The following GDPD5 variants were observed in gnomAD, a reference collection of about 807,000 sequenced individuals.
GDPD5 encodes the protein glycerophosphodiester phosphodiesterase domain containing 5.
In GDPD5, 48 loss-of-function variants were observed where a neutral mutation model predicts 75.1. The ratio of observed to expected loss-of-function variants is 0.64; its 90% confidence interval spans 0.51 to 0.81. The LOEUF is 0.81. Ranked by LOEUF, GDPD5 falls within the 40% of genes least tolerant of loss-of-function variation. The pLI, the probability that GDPD5 is intolerant of heterozygous loss-of-function variation, is 0.00. For synonymous variants in GDPD5, 336 were observed against 339.0 expected (o/e 0.99, Z 0.10); for missense variants, 706 against 822.6 (o/e 0.86, Z 1.73).
rs1386105016 is a variant in GDPD5 at position 75,525,293 on chromosome 11, AG to A, written c.-229del. On this transcript the variant is annotated 5_prime_UTR_variant, in exon 1 of 17. Coordinates refer to ENST00000336898, the MANE Select transcript of GDPD5 (RefSeq NM_030792.8). ...GGGCAGGCGCTGAACCCCTCACCTGAGGCGGGACGAAGGTGACAGCCTGGGC... is the reference window on the plus strand; with the variant it reads ...GGGCAGGCGCTGAACCCCTCACCTGAGCGGGACGAAGGTGACAGCCTGGGC... 1 of 152,244 alleles carries A rather than the reference AG, an allele frequency of 6.6e-6. No homozygotes were observed. The highest frequency in any genetic ancestry group is 2.4e-5 in the African/African-American group (1 of 41,422). The allele number at this position is 152,244 out of a possible 1,614,324, so 9.4% of individuals were successfully genotyped here. A position where few individuals can be genotyped will look rare whatever the true frequency, so the allele number is the denominator to read the frequency against.
intron 3 of GDPD5, among the ~76,000 whole-genome samples, chr11:75,473,745 T>C (rs925290617): frequency 6.6e-6 from 1 of 152,210 alleles, no homozygotes; most frequent in Non-Finnish European, 1.5e-5. Flanking sequence ...TTTCAGTTCC[T>C]GAACACAAGA....
chr11:75,484,789 C>T (rs947575138), intron 2 of GDPD5, among the ~76,000 whole-genome samples: 1 of 152,184 alleles, frequency 6.6e-6, no homozygotes, highest in African/African-American at 2.4e-5. Flanking sequence ...GTACTACCAG[C>T]CACAATAGTT....
At chr11:75,480,926 G>A (rs964242256) in intron 2 of GDPD5, among the ~76,000 whole-genome samples, 4 of 152,114 alleles carry the variant, frequency 2.6e-5, no homozygotes, top group African/African-American at 7.2e-5. Flanking sequence ...TATTGTCTAC[G>A]GCTGTTTTAA....
chr11:75,459,062 C>T lies in GDPD5; in HGVS notation c.222-1276G>A, dbSNP rs551669177. ...GTGCTGGGATTATAGGCGTGAGCCA[C>T]CACACCTGGCCAACTGTCTTCTCAA... On this transcript the variant is annotated intron_variant, in intron 4 of 16. Transcript: ENST00000336898. Among the ~76,000 whole-genome samples the T allele has an allele frequency of 2.6e-5, 4 of 152,292 alleles. No homozygotes were observed. In the South Asian group the frequency reaches 8.3e-4, roughly 32 times the overall value.
chr11:75,520,458 A>G (rs1473784676), intron 1 of GDPD5, among the ~76,000 whole-genome samples: 1 of 152,152 alleles, frequency 6.6e-6, no homozygotes, highest in African/African-American at 2.4e-5. Flanking sequence ...TGTGCCAGGC[A>G]CACTGCTAGG....
At chr11:75,440,451 T>C (rs1695534429) in intron 14 of GDPD5, among the ~76,000 whole-genome samples, 1 of 152,230 alleles carries the variant, frequency 6.6e-6, no homozygotes, top group African/African-American at 2.4e-5. Flanking sequence ...CCACCTGCCT[T>C]CTGCATGCTC....
At chr11:75,440,069 G>T (rs879535590) in intron 14 of GDPD5, 108 bp from the exon 15 acceptor site, 2 of 766,770 alleles carry the variant, frequency 2.6e-6, no homozygotes, top group Non-Finnish European at 4.4e-6. Flanking sequence ...CTGGGGAAGG[G>T]CAAGGGAGGA....
chr11:75,467,999 G>A lies in GDPD5; in HGVS notation c.118-5110C>T, dbSNP rs138751631. On this transcript the variant is annotated intron_variant, in intron 3 of 16. Transcript: ENST00000336898. The stretch of plus-strand genomic sequence containing the variant: ...CATAGAGAAAGACCTCATTAGCAGC[G>A]GGGGCTCATACAGTCACAGAGCACG... Among the ~76,000 whole-genome samples, 18 of 152,238 alleles carry A rather than the reference G, an allele frequency of 1.2e-4. No individual in the cohort carries two copies. The East Asian group carries it at 3.1e-3, about 26-fold the overall frequency.
chr11:75,522,275 G>A (rs1565228678), intron 1 of GDPD5, among the ~76,000 whole-genome samples: 1 of 152,194 alleles, frequency 6.6e-6, no homozygotes, highest in African/African-American at 2.4e-5. Flanking sequence ...GGAAATGGAG[G>A]CCTGATGGGA....
intron 1 of GDPD5, chr11:75,490,687 C>T (rs1384641743): frequency 6.6e-6 from 1 of 152,348 alleles, no homozygotes; most frequent in Non-Finnish European, 1.5e-5. Flanking sequence ...GAGGCCCTTT[C>T]ACGCTGCCCA....
At chr11:75,471,792 T>C (rs947128990) in intron 3 of GDPD5, among the ~76,000 whole-genome samples, 2 of 152,086 alleles carry the variant, frequency 1.3e-5, no homozygotes, top group Non-Finnish European at 2.9e-5. Flanking sequence ...CTAGGCAGGG[T>C]GTGGGGGTTT....
At chr11:75,513,024 G>A (rs1169754818) in intron 1 of GDPD5, among the ~76,000 whole-genome samples, 1 of 152,238 alleles carries the variant, frequency 6.6e-6, no homozygotes, top group African/African-American at 2.4e-5. Context: ...GGCAAGTGCT[G>A]TTGGGCACTG....
At chr11:75,511,786 G>A (rs1950523156) in intron 1 of GDPD5, among the ~76,000 whole-genome samples, 2 of 152,228 alleles carry the variant, frequency 1.3e-5, no homozygotes, top group South Asian at 2.1e-4. Context: ...CAAACGTAGC[G>A]CAAAGGAGGG....
At chr11:75,453,983 G>C (rs923980092) in intron 6 of GDPD5, among the ~76,000 whole-genome samples, 4 of 152,144 alleles carry the variant, frequency 2.6e-5, no homozygotes, top group Admixed American at 6.5e-5. Flanking sequence ...TTCTGAGTCT[G>C]ACACAAAACC....
intron 3 of GDPD5, among the ~76,000 whole-genome samples, chr11:75,463,654 T>C (rs925726532): frequency 6.6e-6 from 1 of 152,194 alleles, no homozygotes; most frequent in Admixed American, 6.5e-5. Flanking sequence ...GGGAGGTCAG[T>C]GTGAGGAAGA....
chr11:75,441,766 C>G lies in GDPD5; in HGVS notation c.1205G>C (p.Arg402Pro). The change falls in exon 13 of 17, where the codon CGG (arginine) becomes CCG (proline). Residue 402 changes from arginine (R) to proline (P), a missense_variant. By Grantham distance (103) the Arg-to-Pro change is moderately radical. Transcript: ENST00000336898. ...WLPSRQRPLV[R>P]KVAPGFQQTS... ...CTGTTGGAAGCCGGGAGCCACCTTC[C>G]GCACCAGGGGCCTCTGCCTGCTAGG... 1 of 1,611,080 alleles carries G rather than the reference C, an allele frequency of 6.2e-7. No homozygotes were observed. Among genetic ancestry groups the G allele is most frequent in the Non-Finnish European group, 8.5e-7 (1 of 1,179,910 alleles).
chr11:75,496,779 C>CTTTCTTTTTTTTTTTTTTTTTTTTTT (rs58663409), intron 1 of GDPD5, among the ~76,000 whole-genome samples: 1 of 103,112 alleles, frequency 9.7e-6, no homozygotes, highest in Admixed American at 1.3e-4. Flanking sequence ...TTCTTTCTTT[C>CTTTCTTTTTTTTTTTTTTTTTTTTTT]TTTTTTTTTT....
intron 3 of GDPD5, among the ~76,000 whole-genome samples, chr11:75,472,298 A>AT (rs1949685415): frequency 6.6e-6 from 1 of 152,040 alleles, no homozygotes; most frequent in Non-Finnish European, 1.5e-5. Flanking sequence ...ATCTGGCTCA[A>AT]TCCAGCCACA....
At position 75,467,026 on chromosome 11, in the gene GDPD5, C is replaced by A. The variant is rs528654970; in HGVS notation, c.118-4137G>T. On this transcript the variant is annotated intron_variant, in intron 3 of 16. Coordinates refer to ENST00000336898, the MANE Select transcript of GDPD5 (RefSeq NM_030792.8). ...GATTTCTCTCCTCCAACTCTCTGAC[C>A]CCTAGGCCAGACCTGATGCTCCTTC... 2.0e-5 allele frequency among the ~76,000 whole-genome samples: 3 copies of A among 152,272 alleles called. No homozygotes were observed. The South Asian group carries it at 6.2e-4, about 32-fold the overall frequency.
Sources: allele counts gnomAD v4.1 joint callset (sites outside exome capture counted in the v4.1 genomes callset), GRCh38; gene constraint gnomAD v4.1.1; transcripts MANE v1.5; gene names NCBI Gene and HGNC (gene_info 2026-07-23, HGNC 2026-07-21).